FAM161B: variants seen among roughly 807,000 people sequenced by gnomAD.
FAM161B encodes the protein FAM161 centrosomal protein B, also known as protein FAM161B.
Under a neutral mutation model 61.5 loss-of-function variants are expected in FAM161B, and 46 were observed. The observed-to-expected ratio is 0.75, with a 90% CI of 0.59 to 0.96. The LOEUF is 0.96. Ranked by LOEUF, FAM161B falls within the 40% of genes least tolerant of loss-of-function variation. FAM161B has a pLI of 0.00. For missense variants in FAM161B, 774 were observed against 800.7 expected (o/e 0.97, Z 0.40); for synonymous variants, 284 against 302.7 (o/e 0.94, Z 0.64).
downstream of FAM161B, among the ~76,000 whole-genome samples, chr14:73,929,522 A>G (rs2055880616): frequency 6.6e-6 from 1 of 152,174 alleles, no homozygotes. Flanking sequence ...ATAGCTTATC[A>G]AGAATATCAG....
chr14:73,941,487 C>T (rs2056018715), intron 4 of FAM161B, among the ~76,000 whole-genome samples: 1 of 151,696 alleles, frequency 6.6e-6, no homozygotes, highest in African/African-American at 2.4e-5. Flanking sequence ...CATTTTTTTT[C>T]CTGGGAATAA....
At position 73,944,863 on chromosome 14, in the gene FAM161B, T is replaced by C; in HGVS notation, c.397A>G (p.Ser133Gly). The C allele has an allele frequency of 6.6e-7, 1 of 1,520,702 alleles. No individual in the cohort carries two copies. Among genetic ancestry groups the C allele is most frequent in the South Asian group, 1.3e-5 (1 of 76,832 alleles). The allele number at this position is 1,520,702 out of a possible 1,614,324, so 94.2% of individuals were successfully genotyped here. ...TTGGAGGGAAGGTTGTTCAGGGAGC[T>C]GCAGCGCCTTGTGGAGCCACACCTG... ...ALRCGSTRRC[S>G]SLNNLPSNIP... Residue 133 changes from serine (S) to glycine (G), a missense_variant, in exon 3 of 9, where the codon AGC becomes GGC. Physicochemically the swap from Ser to Gly is moderately conservative, Grantham distance 56. Transcript: ENST00000286544.
chr14:73,942,090 A>G (rs2056023878), intron 4 of FAM161B, among the ~76,000 whole-genome samples: 1 of 152,170 alleles, frequency 6.6e-6, no homozygotes, highest in South Asian at 2.1e-4. Flanking sequence ...CACTGCAGCC[A>G]GAAGGTCCTC....
At position 73,944,792 on chromosome 14, in the gene FAM161B, G is replaced by T; in HGVS notation, c.468C>A (p.Pro156=). Residue 156 remains proline (P), a synonymous_variant, in exon 3 of 9, where the codon CCC becomes CCA. Coordinates refer to ENST00000286544, the MANE Select transcript of FAM161B (RefSeq NM_152445.3). The stretch of plus-strand genomic sequence containing the variant: ...AGGAGCTGACGCTTCTGTGCTGGGA[G>T]GGAGGCCGGGAGCCTGAGGGTGGCT... ...QTQPPSGSRP[P]SQHRSVSSWA... is the part of the protein sequence containing the mutation. 1 of 1,579,848 alleles carries T rather than the reference G, an allele frequency of 6.3e-7. No homozygotes were observed. The highest frequency in any genetic ancestry group is 8.6e-7 in the Non-Finnish European group (1 of 1,161,544).
At chr14:73,941,267 T>C (rs1281288355) in intron 4 of FAM161B, among the ~76,000 whole-genome samples, 1 of 152,008 alleles carries the variant, frequency 6.6e-6, no homozygotes, top group Non-Finnish European at 1.5e-5. Flanking sequence ...ATACAGGTTG[T>C]GAGCCACCAT....
chr14:73,944,814 G>T lies in FAM161B; in HGVS notation c.446C>A (p.Pro149Gln). 1 of 1,566,552 alleles carries T rather than the reference G, an allele frequency of 6.4e-7. No individual in the cohort carries two copies. Among genetic ancestry groups the T allele is most frequent in the Non-Finnish European group, 8.7e-7 (1 of 1,155,806 alleles). Residue 149 changes from proline (P) to glutamine (Q), a missense_variant, in exon 3 of 9, where the codon CCA becomes CAA. Physicochemically the swap from Pro to Gln is moderately conservative, Grantham distance 76. Transcript: ENST00000286544. ...PSNIPRPQTQ[P>Q]PSGSRPPSQH... ...GGAGGGAGGCCGGGAGCCTGAGGGTGGCTGGGTCTGAGGCCTGGGAATGTT... is the reference window on the plus strand; with the variant it reads ...GGAGGGAGGCCGGGAGCCTGAGGGTTGCTGGGTCTGAGGCCTGGGAATGTT...
At chr14:73,946,010 G>C (rs1043732014) in intron 2 of FAM161B, among the ~76,000 whole-genome samples, 1 of 152,164 alleles carries the variant, frequency 6.6e-6, no homozygotes, top group Non-Finnish European at 1.5e-5. Flanking sequence ...CCAAAGTGCT[G>C]GAATTACAGG....
At chr14:73,925,710 G>C in the FAM161B span, among the ~76,000 whole-genome samples, 1 of 152,154 alleles carries the variant, frequency 6.6e-6, no homozygotes, top group Non-Finnish European at 1.5e-5. Flanking sequence ...TTACAGGTGT[G>C]AGCTGCCGCA....
At chr14:73,930,455 GCC>G (rs1310486368), downstream of FAM161B, among the ~76,000 whole-genome samples, 1 of 151,582 alleles carries the variant, frequency 6.6e-6, no homozygotes, top group African/African-American at 2.4e-5. Context: ...GAGCCATGGT[GCC>G]CAGCCCAATC....
the FAM161B span, chr14:73,923,585 G>A: frequency 6.4e-7 from 1 of 1,553,984 alleles, no homozygotes; most frequent in Admixed American, 2.0e-5. Context: ...TGAGAATTTA[G>A]AGGACCTGAA....
chr14:73,944,544 G>T lies in FAM161B; in HGVS notation c.716C>A (p.Ala239Asp). Residue 239 changes from alanine (A) to aspartate (D), a missense_variant, in exon 3 of 9, where the codon GCC becomes GAC. Coordinates refer to ENST00000286544, the MANE Select transcript of FAM161B (RefSeq NM_152445.3). ...LYQEIMERSE[A>D]RRQAGIQKRK... ...CTTCTGGATCCCTGCCTGCCTTCGG[G>T]CCTCGCTGCGCTCCATGATCTCTTG... 6.2e-7 allele frequency: 1 copy of T among 1,614,126 alleles called. No homozygotes were observed. The highest frequency in any genetic ancestry group is 8.5e-7 in the Non-Finnish European group (1 of 1,180,020).
the FAM161B span, among the ~76,000 whole-genome samples, chr14:73,925,047 T>C: frequency 4.6e-5 from 7 of 152,250 alleles, no homozygotes. Flanking sequence ...GCATCCTATA[T>C]TGAATATTCT....
At chr14:73,943,324 C>T (rs1033065462) in intron 3 of FAM161B, among the ~76,000 whole-genome samples, 1 of 152,220 alleles carries the variant, frequency 6.6e-6, no homozygotes, top group African/African-American at 2.4e-5. Flanking sequence ...TCCCTCCAGT[C>T]TTGCTGCCCT....
intron 3 of FAM161B, 116 bp downstream of exon 3, chr14:73,944,219 G>A: frequency 1.4e-6 from 2 of 1,479,622 alleles, no homozygotes; most frequent in South Asian, 1.4e-5. Context: ...GCCTCTAGTG[G>A]GTCCACCCAA....
chr14:73,944,459 C>T lies in FAM161B; in HGVS notation c.801G>A (p.Gln267=). 6.2e-7 allele frequency: 1 copy of T among 1,613,896 alleles called. No individual in the cohort carries two copies. The highest frequency in any genetic ancestry group is 8.5e-7 in the Non-Finnish European group (1 of 1,179,814). The part of the protein sequence containing the change: ...KPFSFLEKEE[Q]LKEAARQRDL... ...CTCTCTGTCGAGCAGCTTCCTTTAG[C>T]TGCTCCTCCTTCTCCAGGAAGCTGA... Residue 267 remains glutamine (Q), a synonymous_variant, in exon 3 of 9, where the codon CAG becomes CAA. Transcript: ENST00000286544.
chr14:73,931,464 AC>A, downstream of FAM161B: 1 of 1,569,000 alleles, frequency 6.4e-7, no homozygotes, highest in Non-Finnish European at 8.8e-7. Flanking sequence ...CTATAATTCA[AC>A]TGTAACCTAT....
chr14:73,947,960 C>T (rs577994634), intron 1 of FAM161B, among the ~76,000 whole-genome samples: 1 of 152,124 alleles, frequency 6.6e-6, no homozygotes, highest in African/African-American at 2.4e-5. Flanking sequence ...TGCTCTGTCA[C>T]CCAGGTTCTG....
At chr14:73,943,452 G>A (rs950547060) in intron 3 of FAM161B, among the ~76,000 whole-genome samples, 6 of 152,078 alleles carry the variant, frequency 3.9e-5, no homozygotes, top group Admixed American at 1.3e-4. Context: ...GTCCAGACTC[G>A]CCAACGTGGC....
In FAM161B at chr14:73,932,538, AAAAAAGCTTG is replaced by A. The variant is rs1419803725; in HGVS notation, c.*1708_*1717del. ...ATTTTTCCACAAAGATAGTTTTTTT[AAAAAAGCTTG>A]AGAAAGGTGCTTTAGTTAGAGCAGG... On this transcript the variant is annotated 3_prime_UTR_variant, in exon 9 of 9. Transcript: ENST00000286544. 3 of 443,008 alleles carry A rather than the reference AAAAAAGCTTG, an allele frequency of 6.8e-6. No individual in the cohort carries two copies. Among genetic ancestry groups the A allele is most frequent in the Admixed American group, 5.2e-5 (2 of 38,396 alleles). The allele number at this position is 443,008 out of a possible 1,614,324, so 27.4% of individuals were successfully genotyped here.
Sources: allele counts gnomAD v4.1 joint callset (sites outside exome capture counted in the v4.1 genomes callset), GRCh38; gene constraint gnomAD v4.1.1; transcripts MANE v1.5; gene names NCBI Gene and HGNC (gene_info 2026-07-23, HGNC 2026-07-21).